SORCS1: variants seen among roughly 807,000 people sequenced by gnomAD.
The protein encoded by SORCS1 is VPS10 domain-containing receptor SorCS1.
SORCS1 carries 60 observed loss-of-function variants against 146.1 expected under a neutral mutation model. The observed-to-expected ratio is 0.41, with a 90% CI of 0.33 to 0.51. The LOEUF (loss-of-function observed/expected upper bound fraction) is 0.51, where lower values mean the gene tolerates loss of function less well. SORCS1 is among the 20% of genes least tolerant of loss of function. The probability of loss-of-function intolerance (pLI) is 0.21; values close to 1 mark genes in which losing one functional copy is unlikely to be tolerated. For missense variants in SORCS1, 1,352 were observed against 1,487.6 expected, an observed-to-expected ratio of 0.91 and a Z score of 1.50; for synonymous variants, 637 against 584.0, an observed-to-expected ratio of 1.09 and a Z score of -1.31.
rs1045589698 is a variant in SORCS1 at position 106,911,095 on chromosome 10, C to G, written c.626+45418G>C. ...GCTTCATTTGGACCAGTTCACAGAT[C>G]TCTTGTAAAGATCAAGGAAGAAAAT... is the stretch of plus-strand genomic sequence containing the variant. On this transcript the variant is annotated intron_variant, in intron 2 of 25. Coordinates refer to ENST00000263054, the MANE Select transcript of SORCS1 (RefSeq NM_052918.5). 2.6e-5 allele frequency among the ~76,000 whole-genome samples: 4 copies of G among 152,204 alleles called. No homozygotes were observed. In the South Asian group the frequency reaches 6.2e-4, roughly 24 times the overall value.
chr10:106,986,514 G>GTGTT (rs2139412461), intron 1 of SORCS1, among the ~76,000 whole-genome samples: 1 of 12,302 alleles, frequency 8.1e-5, no homozygotes, highest in African/African-American at 2.2e-4. Flanking sequence ...ATACAACCGT[G>GTGTT]TGTGTGTGTG....
chr10:106,653,472 C>G (rs780898003), intron 17 of SORCS1, among the ~76,000 whole-genome samples: 1 of 152,192 alleles, frequency 6.6e-6, no homozygotes, highest in Non-Finnish European at 1.5e-5. Flanking sequence ...TTTATATAAA[C>G]AGCCAGATAG....
At chr10:106,974,480 A>G (rs1359798706) in intron 1 of SORCS1, among the ~76,000 whole-genome samples, 1 of 152,166 alleles carries the variant, frequency 6.6e-6, no homozygotes, top group Admixed American at 6.5e-5. Context: ...GTGATGTGGT[A>G]CAACTCAGTG....
intron 1 of SORCS1, among the ~76,000 whole-genome samples, chr10:107,124,627 G>T (rs1257397724): frequency 6.6e-6 from 1 of 151,854 alleles, no homozygotes; most frequent in Non-Finnish European, 1.5e-5. Flanking sequence ...AGCACTAGTG[G>T]GGCAGCACAA....
intron 1 of SORCS1, among the ~76,000 whole-genome samples, chr10:106,986,529 TGTGTGTGTGTGTGTGTGTGTC>T (rs1564890642): frequency 6.5e-5 from 6 of 92,870 alleles, no homozygotes; most frequent in Non-Finnish European, 1.5e-4. Flanking sequence ...TGTGTGTGTG[TGTGTGTGTGTGTGTGTGTGTC>T]TGTGAGTGTG....
intron 22 of SORCS1, 24 bp downstream of exon 22, chr10:106,611,887 A>G: frequency 6.5e-7 from 1 of 1,547,812 alleles, no homozygotes; most frequent in Non-Finnish European, 8.9e-7. Context: ...TACCCGGGCA[A>G]GAGAAGAAAC....
chr10:107,034,680 CAAA>C (rs553032484), intron 1 of SORCS1, among the ~76,000 whole-genome samples: 36 of 13,794 alleles, frequency 2.6e-3, no homozygotes, highest in Non-Finnish European at 3.1e-3. Flanking sequence ...AACTCCATCT[CAAA>C]AAAAAAAAAA....
chr10:106,581,176 A>T (rs1844883898), intron 24 of SORCS1, among the ~76,000 whole-genome samples: 1 of 152,166 alleles, frequency 6.6e-6, no homozygotes, highest in African/African-American at 2.4e-5. Context: ...ACATTATCAC[A>T]ATTGATTTTC....
chr10:106,787,207 C>T (rs114930892), intron 3 of SORCS1, among the ~76,000 whole-genome samples: 1,576 of 152,230 alleles, frequency 0.01, 25 homozygotes, highest in African/African-American at 0.035. Flanking sequence ...GTAGTCCTTG[C>T]TCTTCTATGC....
chr10:106,719,922 T>C (rs1324151637), intron 6 of SORCS1, among the ~76,000 whole-genome samples: 1 of 152,172 alleles, frequency 6.6e-6, no homozygotes, highest in Admixed American at 6.5e-5. Context: ...CATATCCATA[T>C]CCTTTGCATG....
intron 24 of SORCS1, among the ~76,000 whole-genome samples, chr10:106,581,322 TACACACACACACACAC>T (rs3044191): frequency 1.4e-5 from 2 of 142,336 alleles, no homozygotes; most frequent in Non-Finnish European, 1.6e-5. Context: ...TCGTCATACA[TACACACACACACACAC>T]ACACACACAC....
intron 9 of SORCS1, among the ~76,000 whole-genome samples, chr10:106,690,284 C>T (rs1385804204): frequency 6.6e-6 from 1 of 152,198 alleles, no homozygotes; most frequent in Non-Finnish European, 1.5e-5. Flanking sequence ...TTACGTAAAT[C>T]AGAATTTCAC....
chr10:106,869,207 C>A (rs924366743), intron 2 of SORCS1, among the ~76,000 whole-genome samples: 1 of 152,094 alleles, frequency 6.6e-6, no homozygotes, highest in South Asian at 2.1e-4. Flanking sequence ...AAACAGTCTA[C>A]CAACCAATAA....
intron 2 of SORCS1, among the ~76,000 whole-genome samples, chr10:106,871,953 A>G (rs927500112): frequency 6.6e-6 from 1 of 152,252 alleles, no homozygotes; most frequent in Non-Finnish European, 1.5e-5. Flanking sequence ...TATTTATTCA[A>G]CAATTATTTA....
At chr10:106,928,148 G>T (rs1346107065) in intron 2 of SORCS1, among the ~76,000 whole-genome samples, 1 of 152,226 alleles carries the variant, frequency 6.6e-6, no homozygotes, top group Non-Finnish European at 1.5e-5. Flanking sequence ...GGGCGCCGTG[G>T]AGCAGGCGGC....
rs761882376 is a variant in SORCS1, at chr10:106,667,695, C to T, written c.2297G>A (p.Ser766Asn). The T allele has an allele frequency of 5.0e-6, 8 of 1,613,318 alleles. No homozygotes were observed. The South Asian group carries it at 8.8e-5, about 18-fold the overall frequency. Reference protein sequence around the residue: ...DCSLGQSYLNSTGYRKVVSNN... With the variant: ...DCSLGQSYLNNTGYRKVVSNN... ...CACTACTCCAGACACTTACCCAGTA[C>T]TATTGAGGTAACTCTGTCCCAAGCT... The change falls in exon 17 of 26, where the codon AGT becomes AAT. Residue 766 changes from serine to asparagine, a missense_variant. Ser to Asn is a conservative substitution (Grantham distance 46). Transcript: ENST00000263054.
the SORCS1 span, among the ~76,000 whole-genome samples, chr10:107,178,206 A>C: frequency 6.6e-6 from 1 of 152,184 alleles, no homozygotes; most frequent in African/African-American, 2.4e-5. Context: ...TGTTAACTGT[A>C]GTCACCCTAC....
chr10:106,940,262 G>C (rs1953967183), intron 2 of SORCS1, among the ~76,000 whole-genome samples: 1 of 152,042 alleles, frequency 6.6e-6, no homozygotes, highest in Non-Finnish European at 1.5e-5. Context: ...AACTAATATG[G>C]GACATGCTTT....
intron 1 of SORCS1, among the ~76,000 whole-genome samples, chr10:107,160,993 C>A (rs1013570746): frequency 6.6e-6 from 1 of 152,178 alleles, no homozygotes; most frequent in East Asian, 1.9e-4. Flanking sequence ...TACCCAGCAC[C>A]TTTCATGCCA....
Sources: allele counts gnomAD v4.1 joint callset (sites outside exome capture counted in the v4.1 genomes callset), GRCh38; gene constraint gnomAD v4.1.1; transcripts MANE v1.5; gene names NCBI Gene and HGNC (gene_info 2026-07-23, HGNC 2026-07-21).